UBXN8: variants seen among roughly 807,000 people sequenced by gnomAD.
The protein encoded by UBXN8 is UBX domain protein 8, also known as UBX domain-containing protein 8.
Under a neutral mutation model 32.1 loss-of-function variants are expected in UBXN8, and 27 were observed. The ratio of observed to expected loss-of-function variants is 0.84; its 90% confidence interval spans 0.62 to 1.16. The LOEUF (loss-of-function observed/expected upper bound fraction) is 1.16, where lower values mean the gene tolerates loss of function less well. Ranked by LOEUF, UBXN8 falls within the 50% of genes most tolerant of loss-of-function variation. The pLI is 0.00. For synonymous variants in UBXN8, 109 were observed against 111.8 expected, an observed-to-expected ratio of 0.98 and a Z score of 0.16; for missense variants, 306 against 311.4, an observed-to-expected ratio of 0.98 and a Z score of 0.13.
upstream of UBXN8, among the ~76,000 whole-genome samples, chr8:30,741,530 C>A (rs1471564386): frequency 7.2e-6 from 1 of 139,136 alleles, no homozygotes; most frequent in Non-Finnish European, 1.5e-5. Context: ...GATCTCACTG[C>A]AACCTCTACC....
At chr8:30,749,322 G>A (rs867520821) in intron 1 of UBXN8, among the ~76,000 whole-genome samples, 13 of 151,086 alleles carry the variant, frequency 8.6e-5, no homozygotes, top group Middle Eastern at 3.4e-3. Flanking sequence ...GAACCCAGGA[G>A]GCAGAGGTTG....
upstream of UBXN8, among the ~76,000 whole-genome samples, chr8:30,729,444 A>T (rs1804898707): frequency 6.6e-6 from 1 of 152,000 alleles, no homozygotes; most frequent in Non-Finnish European, 1.5e-5. Flanking sequence ...TTTGTTTTTG[A>T]CTTGACTTGA....
upstream of UBXN8, among the ~76,000 whole-genome samples, chr8:30,730,559 C>A (rs1804926977): frequency 6.6e-6 from 1 of 152,010 alleles, no homozygotes; most frequent in East Asian, 1.9e-4. Context: ...CGGGAACCGA[C>A]CCCCAGTGGG....
rs1381564612 is a variant in UBXN8 at position 30,766,439 on chromosome 8, T to C, written c.*45T>C. 6.7e-7 allele frequency: 1 copy of C among 1,499,936 alleles called. No homozygotes were observed. The highest frequency in any genetic ancestry group is 2.2e-5 in the Admixed American group (1 of 45,276). The allele number at this position is 1,499,936 out of a possible 1,614,324, so 92.9% of individuals were successfully genotyped here. A position where few individuals can be genotyped will look rare whatever the true frequency, so the allele number is the denominator to read the frequency against. ...TGTTTGCATGAAGTCAGTTATGCTA[T>C]GACCTTCTGGCACAATAAAGGCTTC... On this transcript the variant is annotated 3_prime_UTR_variant, in exon 8 of 8. Transcript: ENST00000265616.
chr8:30,736,798 G>T (rs1463969706), intron 1 of UBXN8, among the ~76,000 whole-genome samples: 1 of 152,042 alleles, frequency 6.6e-6, no homozygotes, highest in East Asian at 1.9e-4. Context: ...ATTGTATTTT[G>T]CAATATTTAA....
upstream of UBXN8, among the ~76,000 whole-genome samples, chr8:30,741,719 G>C (rs947533130): frequency 6.6e-6 from 1 of 151,990 alleles, no homozygotes; most frequent in African/African-American, 2.4e-5. Context: ...CAAAGTGCTG[G>C]GATTACAGGC....
At chr8:30,754,956 G>GTTTT (rs34741520) in intron 4 of UBXN8, among the ~76,000 whole-genome samples, 169 bp downstream of exon 4, 2 of 129,662 alleles carry the variant, frequency 1.5e-5, no homozygotes, top group African/African-American at 5.7e-5. Context: ...GGGGTTGGTC[G>GTTTT]TTTTTTTTTT....
chr8:30,731,014 G>C (rs1804938519), upstream of UBXN8, among the ~76,000 whole-genome samples: 1 of 152,244 alleles, frequency 6.6e-6, no homozygotes, highest in South Asian at 2.1e-4. Context: ...CCACAAAAAG[G>C]CAAGGGAAGG....
At chr8:30,743,382 C>A (rs3757921), upstream of UBXN8, among the ~76,000 whole-genome samples, 1 of 150,498 alleles carries the variant, frequency 6.6e-6, no homozygotes, top group Non-Finnish European at 1.5e-5. Flanking sequence ...TCTGGAACTC[C>A]TGACCTTGTG....
intron 1 of UBXN8, among the ~76,000 whole-genome samples, chr8:30,735,064 G>A (rs550224783): frequency 6.6e-6 from 1 of 152,256 alleles, no homozygotes; most frequent in East Asian, 1.9e-4. Context: ...ACCTTTATAT[G>A]TTATCTTCCC....
Position 30,754,654 on chromosome 8 carries a change from GT to G in UBXN8, c.283-7del. 6.5e-7 allele frequency: 1 copy of G among 1,538,214 alleles called. No homozygotes were observed. Among genetic ancestry groups the G allele is most frequent in the Non-Finnish European group, 8.7e-7 (1 of 1,154,400 alleles). On this transcript the variant is annotated splice_polypyrimidine_tract_variant and intron_variant, in intron 3 of 7. Transcript: ENST00000265616. ...GGATAGTAACAACACCTAATTTGTT[GT>G]TTTCAACAGGCCAGCAGATACATAG... is the stretch of plus-strand genomic sequence containing the variant.
intron 1 of UBXN8, among the ~76,000 whole-genome samples, chr8:30,739,002 A>G (rs754614037): frequency 6.0e-5 from 9 of 150,800 alleles, no homozygotes; most frequent in Non-Finnish European, 8.9e-5. Flanking sequence ...ATTCATGTAT[A>G]TAATATTCTT....
rs78865858 is a variant in UBXN8, at chr8:30,762,035, C to T, written c.570+1106C>T. 6.4e-3 allele frequency among the ~76,000 whole-genome samples: 955 copies of T among 148,782 alleles called. 16 individuals carry two copies. Among genetic ancestry groups the T allele is most frequent in the African/African-American group, 0.022 (885 of 40,442 alleles). ...GAAGGAGAACCTACTTCTTGGGGCT[C>T]GGCAACAGTTATACTCCTTGGAAAC... is the stretch of plus-strand genomic sequence containing the variant. On this transcript the variant is annotated intron_variant, in intron 6 of 7. Transcript: ENST00000265616.
upstream of UBXN8, among the ~76,000 whole-genome samples, chr8:30,741,391 C>G (rs1805194274): frequency 6.7e-6 from 1 of 149,422 alleles, no homozygotes; most frequent in Non-Finnish European, 1.5e-5. Flanking sequence ...GTCTCATAAA[C>G]AAATAAAAAT....
chr8:30,748,885 G>T (rs999558115), intron 1 of UBXN8, among the ~76,000 whole-genome samples: 13 of 152,018 alleles, frequency 8.6e-5, no homozygotes, highest in African/African-American at 3.1e-4. Context: ...TTAGTTAATT[G>T]ACTAATTACC....
chr8:30,752,765 T>C (rs1220729957), intron 2 of UBXN8, among the ~76,000 whole-genome samples: 1 of 152,230 alleles, frequency 6.6e-6, no homozygotes, highest in African/African-American at 2.4e-5. Context: ...TGGTACATTG[T>C]GTTTTGTTTC....
At chr8:30,740,837 A>G (rs1194105229), upstream of UBXN8, among the ~76,000 whole-genome samples, 1 of 152,228 alleles carries the variant, frequency 6.6e-6, no homozygotes, top group Non-Finnish European at 1.5e-5. Context: ...AAGATAGGCT[A>G]TAGGTCAATC....
upstream of UBXN8, among the ~76,000 whole-genome samples, chr8:30,739,461 G>A (rs138611220): frequency 1.2e-3 from 184 of 152,080 alleles, 1 homozygote; most frequent in African/African-American, 4.0e-3. Flanking sequence ...GGAGAACGGC[G>A]TGAACCTGGG....
chr8:30,753,321 A>G (rs1268462277), intron 3 of UBXN8, among the ~76,000 whole-genome samples: 2 of 152,242 alleles, frequency 1.3e-5, no homozygotes, highest in East Asian at 1.9e-4. Context: ...CAGTGGCGAA[A>G]TCTCGGCTCA....
Sources: allele counts gnomAD v4.1 joint callset (sites outside exome capture counted in the v4.1 genomes callset), GRCh38; gene constraint gnomAD v4.1.1; transcripts MANE v1.5; gene names NCBI Gene and HGNC (gene_info 2026-07-23, HGNC 2026-07-21).